WWC1: variants seen among roughly 807,000 people sequenced by gnomAD.
The protein encoded by WWC1 is protein KIBRA.
In WWC1, 55 loss-of-function variants were observed where a neutral mutation model predicts 138.4. That is an observed-to-expected ratio of 0.40 (90% confidence interval 0.32 to 0.50). WWC1 has a LOEUF of 0.50. Ranked by LOEUF, WWC1 falls within the 20% of genes least tolerant of loss-of-function variation. The pLI is 0.72. For missense variants in WWC1, 1,226 were observed against 1,420.4 expected (o/e 0.86, Z 2.20); for synonymous variants, 524 against 564.9 (o/e 0.93, Z 1.03).
intron 6 of WWC1, among the ~76,000 whole-genome samples, chr5:168,406,565 G>A (rs1486189242): frequency 6.6e-6 from 1 of 152,168 alleles, no homozygotes; most frequent in Non-Finnish European, 1.5e-5. Flanking sequence ...AAGTCATCTG[G>A]CCTAGTCCAA....
At chr5:168,343,136 A>T (rs1292175188) in intron 1 of WWC1, among the ~76,000 whole-genome samples, 1 of 146,770 alleles carries the variant, frequency 6.8e-6, no homozygotes, top group African/African-American at 2.6e-5. Flanking sequence ...TCCCTTTCAC[A>T]TTTGCACAGA....
chr5:168,361,470 C>T (rs1775876445), intron 1 of WWC1, among the ~76,000 whole-genome samples: 1 of 152,202 alleles, frequency 6.6e-6, no homozygotes, highest in Non-Finnish European at 1.5e-5. Flanking sequence ...GGTTCCTACC[C>T]AATGATCAGT....
intron 1 of WWC1, among the ~76,000 whole-genome samples, chr5:168,320,014 GT>G (rs1223606660): frequency 1.2e-4 from 18 of 149,912 alleles, no homozygotes; most frequent in Admixed American, 5.3e-4. Flanking sequence ...GATGAGTGAT[GT>G]TGAGCATTTA....
intron 1 of WWC1, among the ~76,000 whole-genome samples, chr5:168,342,827 G>C (rs544154250): frequency 6.6e-6 from 1 of 152,284 alleles, no homozygotes; most frequent in Non-Finnish European, 1.5e-5. Flanking sequence ...GCAGAGAACA[G>C]ACCCCATACT....
intron 1 of WWC1, among the ~76,000 whole-genome samples, chr5:168,308,900 G>C (rs1472910888): frequency 6.6e-6 from 1 of 152,012 alleles, no homozygotes; most frequent in Admixed American, 6.6e-5. Flanking sequence ...ATGCTCAGGG[G>C]CTCCCTCTCC....
At chr5:168,420,182 C>T (rs1370749819) in intron 9 of WWC1, among the ~76,000 whole-genome samples, 1 of 152,150 alleles carries the variant, frequency 6.6e-6, no homozygotes, top group Non-Finnish European at 1.5e-5. Flanking sequence ...TAACAACGTA[C>T]CACAGACTGA....
Position 168,446,413 on chromosome 5 carries a change from T to A in WWC1, c.2525+1828T>A, listed in dbSNP as rs78327026. ...TTAATTCCTTGTATTATGAGAAAGGTCTCATCATACACTTTAAGAAACAAT... is the reference window on the plus strand; with the variant it reads ...TTAATTCCTTGTATTATGAGAAAGGACTCATCATACACTTTAAGAAACAAT... On this transcript the variant is annotated intron_variant, in intron 17 of 22. Coordinates refer to ENST00000265293, the MANE Select transcript of WWC1 (RefSeq NM_015238.3). Among the ~76,000 whole-genome samples the A allele has an allele frequency of 3.9e-3, 601 of 152,316 alleles. 3 individuals are homozygous for A. Among genetic ancestry groups the A allele is most frequent in the Middle Eastern group, 6.8e-3 (2 of 294 alleles).
chr5:168,383,291 G>C (rs1777788473), intron 2 of WWC1, among the ~76,000 whole-genome samples: 1 of 152,142 alleles, frequency 6.6e-6, no homozygotes, highest in Non-Finnish European at 1.5e-5. Flanking sequence ...CCTTTACCTG[G>C]CACAAGTGCT....
rs779701539 is a variant in WWC1 at position 168,470,194 on chromosome 5, A to C, written c.*1177A>C. On this transcript the variant is annotated 3_prime_UTR_variant, in exon 23 of 23. Coordinates refer to ENST00000265293, the MANE Select transcript of WWC1 (RefSeq NM_015238.3). ...AAGTCAGTTTCTAACAAATAGCAAC[A>C]GCCACAAATCTCTTCCTCCTTCCTC... 3 of 152,274 alleles carry C rather than the reference A, an allele frequency of 2.0e-5. No individual in the cohort carries two copies. Among genetic ancestry groups the C allele is most frequent in the Non-Finnish European group, 2.9e-5 (2 of 68,104 alleles). 9.4% of individuals were successfully genotyped at this position (152,274 alleles called of 1,614,324 possible).
In WWC1 at chr5:168,414,408, G is replaced by A. The variant is rs1243803274; in HGVS notation, c.1002G>A (p.Leu334=). The A allele has an allele frequency of 1.1e-5, 17 of 1,606,088 alleles. No individual in the cohort carries two copies. Among genetic ancestry groups the A allele is most frequent in the Non-Finnish European group, 1.4e-5 (17 of 1,176,158 alleles). Residue 334 remains leucine, a synonymous_variant, in exon 9 of 23, where the codon CTG becomes CTA. Transcript: ENST00000265293. ...KLDSEAWPGV[L]DSERDRLILI... is the part of the protein sequence containing the mutation. ...ACAGTGAGGCCTGGCCTGGGGTGCT[G>A]GACTCAGAGAGGGACCGGCTGATCC...
intron 15 of WWC1, among the ~76,000 whole-genome samples, chr5:168,438,875 T>C (rs1754492889): frequency 6.6e-6 from 1 of 152,134 alleles, no homozygotes; most frequent in Non-Finnish European, 1.5e-5. Flanking sequence ...GGTTAGTTTG[T>C]TATAGTTTGT....
intron 5 of WWC1, among the ~76,000 whole-genome samples, chr5:168,400,819 TGA>T (rs150418543): frequency 0.044 from 4,483 of 102,608 alleles, 254 homozygotes; most frequent in African/African-American, 0.15. Flanking sequence ...CTTGAAAGAA[TGA>T]GAGAGAGAGA....
At chr5:168,304,334 CTT>C (rs1399964833) in intron 1 of WWC1, among the ~76,000 whole-genome samples, 1 of 152,176 alleles carries the variant, frequency 6.6e-6, no homozygotes, top group Non-Finnish European at 1.5e-5. Flanking sequence ...TAGACAATGA[CTT>C]TTGCTGGACA....
chr5:168,345,473 C>G (rs1193010106), intron 1 of WWC1, among the ~76,000 whole-genome samples: 1 of 152,134 alleles, frequency 6.6e-6, no homozygotes, highest in Non-Finnish European at 1.5e-5. Context: ...CAGTTGTTAC[C>G]TGAGTAACTC....
At chr5:168,313,285 G>A (rs1413653825) in intron 1 of WWC1, among the ~76,000 whole-genome samples, 1 of 151,790 alleles carries the variant, frequency 6.6e-6, no homozygotes, top group Non-Finnish European at 1.5e-5. Context: ...CATTGCCTGG[G>A]AGTTTATTAG....
chr5:168,371,188 G>T (rs757481471), intron 1 of WWC1, among the ~76,000 whole-genome samples: 1 of 152,218 alleles, frequency 6.6e-6, no homozygotes, highest in African/African-American at 2.4e-5. Flanking sequence ...GAGTGGCAAA[G>T]TTGGGACCAG....
chr5:168,334,378 G>C (rs1168306330), intron 1 of WWC1, among the ~76,000 whole-genome samples: 1 of 152,096 alleles, frequency 6.6e-6, no homozygotes, highest in African/African-American at 2.4e-5. Context: ...GGTCTCGAGA[G>C]ACATTGCAAC....
intron 1 of WWC1, among the ~76,000 whole-genome samples, chr5:168,337,383 C>A (rs58545200): frequency 0.12 from 18,171 of 152,072 alleles, 2,496 homozygotes; most frequent in African/African-American, 0.34. Context: ...TTTCCTACAC[C>A]CCTCCCCCCA....
At chr5:168,327,861 A>G (rs1187747568) in intron 1 of WWC1, among the ~76,000 whole-genome samples, 2 of 152,244 alleles carry the variant, frequency 1.3e-5, no homozygotes, top group Non-Finnish European at 2.9e-5. Context: ...TAGGGAACCC[A>G]GGAGTGAGGG....
Sources: allele counts gnomAD v4.1 joint callset (sites outside exome capture counted in the v4.1 genomes callset), GRCh38; gene constraint gnomAD v4.1.1; transcripts MANE v1.5; gene names NCBI Gene and HGNC (gene_info 2026-07-23, HGNC 2026-07-21).